Variants in PARP4 observed in about 807,000 individuals in gnomAD.
PARP4 encodes the protein poly(ADP-ribose) polymerase family member 4, also known as protein mono-ADP-ribosyltransferase PARP4.
A neutral mutation model predicts 187.7 loss-of-function variants in PARP4; 120 were observed. That is an observed-to-expected ratio of 0.64 (90% confidence interval 0.55 to 0.74). PARP4 has a LOEUF of 0.74. Among genes scored for constraint, PARP4 ranks in the 30% least tolerant of loss-of-function variants. The pLI is 0.00. For missense variants in PARP4, 1,836 were observed against 2,070.5 expected (o/e 0.89, Z 2.20); for synonymous variants, 654 against 740.9 (o/e 0.88, Z 1.90).
chr13:24,440,149 T>G (rs763727593), intron 30 of PARP4, among the ~76,000 whole-genome samples: 3 of 152,188 alleles, frequency 2.0e-5, no homozygotes, highest in Admixed American at 6.5e-5. Flanking sequence ...GGCCCATGCC[T>G]GAAATCCCAG....
chr13:24,435,916 C>CAAAAAAA (rs56254149), intron 30 of PARP4, among the ~76,000 whole-genome samples: 2 of 87,880 alleles, frequency 2.3e-5, no homozygotes, highest in Non-Finnish European at 4.6e-5. Context: ...TATTCTGTCT[C>CAAAAAAA]AAAAAAAAAA....
At position 24,501,679 on chromosome 13, in the gene PARP4, C is replaced by T. The variant is rs1388923753; in HGVS notation, c.288G>A (p.Lys96=). 1 of 1,613,388 alleles carries T rather than the reference C, an allele frequency of 6.2e-7. No homozygotes were observed. The highest frequency in any genetic ancestry group is 1.3e-5 in the African/African-American group (1 of 74,854). ...LLDVKNYDPY[K]PLDITPPPDQ... ...CAGGAGGTGGTGTGATGTCCAGGGGCTTATAAGGATCATAATTCTTTACAT... is the reference window on the plus strand; with the variant it reads ...CAGGAGGTGGTGTGATGTCCAGGGGTTTATAAGGATCATAATTCTTTACAT... Residue 96 remains lysine (K), a synonymous_variant, in exon 3 of 34, where the codon AAG becomes AAA. Coordinates refer to ENST00000381989, the MANE Select transcript of PARP4 (RefSeq NM_006437.4).
intron 12 of PARP4, 127 bp from the exon 13 acceptor site, chr13:24,478,403 A>C: frequency 1.9e-6 from 1 of 524,742 alleles, no homozygotes; most frequent in Non-Finnish European, 3.2e-6. Flanking sequence ...CCAAAGACTC[A>C]ATTTAGAACT....
At chr13:24,459,923 C>A in intron 18 of PARP4, 49 bp downstream of exon 18, 1 of 1,540,476 alleles carries the variant, frequency 6.5e-7, no homozygotes, top group Non-Finnish European at 8.9e-7. Context: ...CTCCACCACT[C>A]CCCCTCCACT....
intron 6 of PARP4, among the ~76,000 whole-genome samples, chr13:24,497,348 G>A (rs1869012730): frequency 6.6e-6 from 1 of 152,270 alleles, no homozygotes; most frequent in South Asian, 2.1e-4. Context: ...GATCTCTGAC[G>A]CCAGGGTGTG....
At chr13:24,495,656 C>T (rs1325423619) in intron 6 of PARP4, among the ~76,000 whole-genome samples, 1 of 152,154 alleles carries the variant, frequency 6.6e-6, no homozygotes, top group Non-Finnish European at 1.5e-5. Context: ...CCATGGTGTC[C>T]TTGTAGGTGT....
At chr13:24,471,141 T>G (rs1172796920) in intron 15 of PARP4, among the ~76,000 whole-genome samples, 2 of 152,208 alleles carry the variant, frequency 1.3e-5, no homozygotes, top group Non-Finnish European at 2.9e-5. Context: ...TCAGACACTG[T>G]CCCCTTGACT....
At chr13:24,438,552 G>A (rs1402316004) in intron 30 of PARP4, among the ~76,000 whole-genome samples, 2 of 152,172 alleles carry the variant, frequency 1.3e-5, no homozygotes, top group African/African-American at 2.4e-5. Context: ...GGATTAGGAG[G>A]TATGTTTTAA....
rs1233566241 is a variant in PARP4 at position 24,434,582 on chromosome 13, C to T, written c.4559G>A (p.Ser1520Asn). ...TAGCTCATCACTTTCTGTGTCAGAACTTTGAAAAGCAAAGACAGGACATCG... is the reference window on the plus strand; with the variant it reads ...TAGCTCATCACTTTCTGTGTCAGAATTTTGAAAAGCAAAGACAGGACATCG... ...GSRCPVFAFQ[S>N]SDTESDELSE... is the part of the protein sequence containing the mutation. The change falls in exon 31 of 34, where the codon AGT (serine) becomes AAT (asparagine). Residue 1520 changes from serine to asparagine, a missense_variant. Around this residue, in one of 8 missense-constraint regions of PARP4, gnomAD observed 450 missense variants for 439.2 expected, o/e 1.02. Transcript: ENST00000381989. 1.9e-6 allele frequency: 3 copies of T among 1,613,018 alleles called. No individual in the cohort carries two copies. Among genetic ancestry groups the T allele is most frequent in the Non-Finnish European group, 1.7e-6 (2 of 1,179,214 alleles).
rs1871817661 is a variant in PARP4, at chr13:24,455,872, C to T, written c.2562+469G>A. ...TCCTGAGCTCAAGCAATCCATCTGC[C>T]TTGGCCTCTCAAAGTGCTGGGATTA... On this transcript the variant is annotated intron_variant, in intron 21 of 33. Coordinates refer to ENST00000381989, the MANE Select transcript of PARP4 (RefSeq NM_006437.4). Among the ~76,000 whole-genome samples, 3 of 152,184 alleles carry T rather than the reference C, an allele frequency of 2.0e-5. No individual in the cohort carries two copies. The South Asian group carries it at 6.2e-4, about 32-fold the overall frequency.
chr13:24,431,638 C>T (rs550512806), intron 31 of PARP4, among the ~76,000 whole-genome samples, 162 bp from the exon 32 acceptor site: 1 of 152,174 alleles, frequency 6.6e-6, no homozygotes, highest in East Asian at 1.9e-4. Flanking sequence ...CACGGTATGC[C>T]CATGTAATAA....
intron 30 of PARP4, among the ~76,000 whole-genome samples, chr13:24,440,397 CAAA>C (rs34174938): frequency 1.1e-5 from 1 of 90,032 alleles, no homozygotes. Context: ...GACTCTATCT[CAAA>C]AAAAAAAAAA....
At chr13:24,505,283 C>T (rs1869566029) in intron 1 of PARP4, among the ~76,000 whole-genome samples, 1 of 152,120 alleles carries the variant, frequency 6.6e-6, no homozygotes, top group Non-Finnish European at 1.5e-5. Context: ...ACTGCTAAGT[C>T]TTACAGGCTA....
chr13:24,468,804 T>C (rs1872602568), intron 17 of PARP4, among the ~76,000 whole-genome samples: 1 of 152,226 alleles, frequency 6.6e-6, no homozygotes, highest in African/African-American at 2.4e-5. Flanking sequence ...ATGACAGGCC[T>C]AGCTCTTCTT....
chr13:24,484,709 C>G lies in PARP4; in HGVS notation c.1392G>C (p.Val464=), dbSNP rs780611351. Reference sequence around the variant, plus strand: ...CAAGGTTTCCGACGTCTGTTCTTTGCACACCACGATCTTCCACTACTTTGG... The same window carrying G: ...CAAGGTTTCCGACGTCTGTTCTTTGGACACCACGATCTTCCACTACTTTGG... The part of the protein sequence containing the change: ...LLPKVVEDRG[V]QRTDVGNLGS... The change falls in exon 12 of 34, where the codon GTG becomes GTC. Residue 464 remains valine (V), a synonymous_variant. Transcript: ENST00000381989. 39 of 1,611,150 alleles carry G rather than the reference C, an allele frequency of 2.4e-5. No homozygotes were observed. Among genetic ancestry groups the G allele is most frequent in the Non-Finnish European group, 2.9e-5 (34 of 1,177,454 alleles).
chr13:24,449,612 C>T (rs113875775), intron 25 of PARP4, 106 bp downstream of exon 25: 5 of 660,886 alleles, frequency 7.6e-6, no homozygotes, highest in East Asian at 2.9e-5. Flanking sequence ...TGCCTCTTTA[C>T]GGCTCCCCTC....
intron 6 of PARP4, 46 bp downstream of exon 6, chr13:24,498,070 G>C: frequency 7.5e-7 from 1 of 1,332,666 alleles, no homozygotes; most frequent in Non-Finnish European, 1.1e-6. Flanking sequence ...AATGAGTTAT[G>C]AACAGAGGTC....
chr13:24,500,171 C>T (rs1869193240), intron 4 of PARP4, 145 bp downstream of exon 4: 2 of 409,846 alleles, frequency 4.9e-6, no homozygotes, highest in Non-Finnish European at 8.7e-6. Flanking sequence ...GAAAAAGACT[C>T]AAATAAAAAA....
chr13:24,449,568 G>A (rs538345165), intron 25 of PARP4, 150 bp downstream of exon 25: 4 of 547,770 alleles, frequency 7.3e-6, no homozygotes, highest in South Asian at 4.4e-5. Flanking sequence ...CGCTGGTGCA[G>A]TCCTGAGGCA....
Sources: gnomAD v4.1 joint callset for allele counts (sites outside exome capture counted in the v4.1 genomes callset) on GRCh38, gnomAD v4.1.1 for gene constraint, gnomAD v4.1.1 regional missense constraint, MANE v1.5 for transcripts, NCBI Gene and HGNC (gene_info 2026-07-23, HGNC 2026-07-21) for gene names.